ENTREP2: variants seen among roughly 807,000 people sequenced by gnomAD.
ENTREP2 encodes protein ENTREP2.
At chr15:29,328,555 T>C in the ENTREP2 span, among the ~76,000 whole-genome samples, 2 of 152,110 alleles carry the variant, frequency 1.3e-5, no homozygotes, top group Non-Finnish European at 2.9e-5. Flanking sequence ...ACTCTGAAAA[T>C]CATGGAGTCT....
the ENTREP2 span, among the ~76,000 whole-genome samples, chr15:29,443,895 G>A: frequency 6.6e-6 from 1 of 152,042 alleles, no homozygotes; most frequent in Admixed American, 6.5e-5. Flanking sequence ...ACAAGGTCAG[G>A]AGATCGAGAC....
chr15:29,392,385 G>T, the ENTREP2 span, among the ~76,000 whole-genome samples: 1 of 125,498 alleles, frequency 8.0e-6, no homozygotes, highest in East Asian at 2.3e-4. Flanking sequence ...AGTTCCTTTA[G>T]AGCAGATTTT....
chr15:29,227,982 GAA>G, the ENTREP2 span, among the ~76,000 whole-genome samples: 5 of 149,926 alleles, frequency 3.3e-5, no homozygotes, highest in African/African-American at 1.2e-4. Context: ...TTGCCGATGA[GAA>G]AAAAAAAAGA....
chr15:29,380,180 G>A, the ENTREP2 span, among the ~76,000 whole-genome samples: 14 of 152,092 alleles, frequency 9.2e-5, no homozygotes, highest in Middle Eastern at 3.2e-3. Flanking sequence ...TTACTTTTAC[G>A]TATGTTTGAA....
At chr15:29,243,298 G>T in the ENTREP2 span, among the ~76,000 whole-genome samples, 1 of 151,958 alleles carries the variant, frequency 6.6e-6, no homozygotes, top group Non-Finnish European at 1.5e-5. Flanking sequence ...AGAAATTAGG[G>T]GCCACATGTT....
the ENTREP2 span, among the ~76,000 whole-genome samples, chr15:29,397,918 T>C: frequency 1.3e-5 from 2 of 152,074 alleles, no homozygotes; most frequent in Non-Finnish European, 2.9e-5. Flanking sequence ...CAGAAGTACA[T>C]TGTTTTTATT....
the ENTREP2 span, among the ~76,000 whole-genome samples, chr15:29,237,954 G>A: frequency 6.6e-6 from 1 of 152,158 alleles, no homozygotes; most frequent in Non-Finnish European, 1.5e-5. Flanking sequence ...CAACCCAAAT[G>A]TCCACTGATG....
the ENTREP2 span, chr15:29,121,962 A>G: frequency 1.3e-5 from 2 of 152,256 alleles, no homozygotes; most frequent in Non-Finnish European, 2.9e-5. Context: ...AAGCCCCACA[A>G]AGCCGAGGGA....
chr15:29,489,299 T>C, the ENTREP2 span, among the ~76,000 whole-genome samples: 364 of 152,260 alleles, frequency 2.4e-3, 1 homozygote, highest in African/African-American at 8.2e-3. Context: ...GATAATATGC[T>C]AACTGGGTGC....
chr15:29,278,469 G>A, the ENTREP2 span, among the ~76,000 whole-genome samples: 1 of 152,210 alleles, frequency 6.6e-6, no homozygotes, highest in African/African-American at 2.4e-5. Context: ...GGAGAGGCAG[G>A]CTAACTGCTG....
the ENTREP2 span, among the ~76,000 whole-genome samples, chr15:29,244,089 A>G: frequency 6.6e-6 from 1 of 152,254 alleles, no homozygotes; most frequent in African/African-American, 2.4e-5. Context: ...ATACCTTCTC[A>G]GCACCAGGAC....
chr15:29,499,230 T>C, the ENTREP2 span, among the ~76,000 whole-genome samples: 1 of 152,194 alleles, frequency 6.6e-6, no homozygotes, highest in Non-Finnish European at 1.5e-5. Flanking sequence ...CTTCCTCTCT[T>C]GCTGTCTTCC....
the ENTREP2 span, among the ~76,000 whole-genome samples, chr15:29,484,118 A>C: frequency 6.6e-6 from 1 of 152,214 alleles, no homozygotes; most frequent in East Asian, 1.9e-4. Flanking sequence ...AAAGATTTTT[A>C]AAAATATTTT....
chr15:29,563,843 A>AT, the ENTREP2 span, among the ~76,000 whole-genome samples: 97,084 of 150,828 alleles, frequency 0.64, 31,585 homozygotes, highest in Non-Finnish European at 0.71. Context: ...CCTCAAAAAT[A>AT]AAAATAAATA....
the ENTREP2 span, among the ~76,000 whole-genome samples, chr15:29,430,022 G>A: frequency 6.6e-6 from 1 of 152,224 alleles, no homozygotes; most frequent in Admixed American, 6.5e-5. Flanking sequence ...AGAAGCCTGT[G>A]TTACAGACCT....
the ENTREP2 span, among the ~76,000 whole-genome samples, chr15:29,221,769 G>A: frequency 5.3e-5 from 8 of 152,248 alleles, no homozygotes; most frequent in Non-Finnish European, 7.4e-5. Context: ...AAGGGAGAAA[G>A]GGCTAAAGAG....
the ENTREP2 span, among the ~76,000 whole-genome samples, chr15:29,297,452 A>T: frequency 3.3e-5 from 5 of 152,258 alleles, 1 homozygote; most frequent in South Asian, 1.0e-3. Flanking sequence ...AAGGGAAATA[A>T]CAAAGCACAG....
chr15:29,411,302 C>T, the ENTREP2 span, among the ~76,000 whole-genome samples: 218 of 152,052 alleles, frequency 1.4e-3, no homozygotes, highest in African/African-American at 5.1e-3. Context: ...CAGAGTGGTC[C>T]CACCCATTTC....
At chr15:29,332,462 G>A in the ENTREP2 span, among the ~76,000 whole-genome samples, 293 of 152,132 alleles carry the variant, frequency 1.9e-3, 2 homozygotes, top group African/African-American at 6.5e-3. Context: ...TTCTCATTTC[G>A]CTAAAAAGCT....
Sources: allele counts gnomAD v4.1 joint callset (sites outside exome capture counted in the v4.1 genomes callset), GRCh38; gene constraint gnomAD v4.1.1; transcripts MANE v1.5; gene names NCBI Gene and HGNC (gene_info 2026-07-23, HGNC 2026-07-21).